The following PALM variants were observed in gnomAD, a reference collection of about 807,000 sequenced individuals.
The protein encoded by PALM is paralemmin.
In PALM, 18 loss-of-function variants were observed where a neutral mutation model predicts 30.7. The ratio of observed to expected loss-of-function variants is 0.59; its 90% CI spans 0.41 to 0.87. The LOEUF (loss-of-function observed/expected upper bound fraction) is 0.87. Ranked by LOEUF, PALM falls within the 40% of genes least tolerant of loss-of-function variation. The pLI is 0.00. For synonymous variants in PALM, 286 were observed against 242.8 expected (o/e 1.18, Z -1.66); for missense variants, 529 against 555.4 (o/e 0.95, Z 0.48).
rs1599174812 is a variant in PALM at position 747,144 on chromosome 19, A to C, written c.*330A>C. On this transcript the variant is annotated 3_prime_UTR_variant, in exon 9 of 9. Transcript: ENST00000338448. ...GCCCACCGGGGTCCTGGCGGGTGGGACCCGCAGCCTCCACGCGGCCCAGGC... is the reference window on the plus strand; with the variant it reads ...GCCCACCGGGGTCCTGGCGGGTGGGCCCCGCAGCCTCCACGCGGCCCAGGC... 1.1e-5 allele frequency: 3 copies of C among 284,200 alleles called. No individual in the cohort carries two copies. Among genetic ancestry groups the C allele is most frequent in the Non-Finnish European group, 1.3e-5 (2 of 149,506 alleles). 17.6% of individuals were successfully genotyped at this position (284,200 alleles called of 1,614,324 possible). A position where few individuals can be genotyped will look rare whatever the true frequency, so the allele number is the denominator to read the frequency against.
At chr19:718,906 G>A (rs1209629854) in intron 1 of PALM, among the ~76,000 whole-genome samples, 1 of 151,948 alleles carries the variant, frequency 6.6e-6, no homozygotes. Context: ...GGGTGCCAGC[G>A]CTCAGGGGAG....
intron 4 of PALM, among the ~76,000 whole-genome samples, chr19:729,847 G>C (rs56124311): frequency 9.9e-5 from 15 of 152,208 alleles, no homozygotes; most frequent in African/African-American, 3.6e-4. Context: ...GTGGGGCTGA[G>C]ACGGGCCTGG....
At chr19:740,840 A>G (rs1393998315) in intron 8 of PALM, among the ~76,000 whole-genome samples, 1 of 152,142 alleles carries the variant, frequency 6.6e-6, no homozygotes. Flanking sequence ...TAATTCGTTT[A>G]AATAATTACT....
chr19:714,381 T>G (rs1423356092), intron 1 of PALM, among the ~76,000 whole-genome samples: 1 of 116,638 alleles, frequency 8.6e-6, no homozygotes, highest in Admixed American at 9.8e-5. Context: ...TTTTTTCAGA[T>G]GGAGTCTCTC....
At chr19:717,814 C>T (rs531765008) in intron 1 of PALM, among the ~76,000 whole-genome samples, 3 of 152,226 alleles carry the variant, frequency 2.0e-5, no homozygotes, top group Admixed American at 6.5e-5. Context: ...TAATCGACTC[C>T]CTGGGGCAGC....
At chr19:736,726 T>C (rs1341647628) in intron 7 of PALM, among the ~76,000 whole-genome samples, 3 of 152,150 alleles carry the variant, frequency 2.0e-5, no homozygotes, top group African/African-American at 7.2e-5. Context: ...GCAAAACCAC[T>C]GCTATGTGAG....
At chr19:743,455 T>C (rs1842912954) in intron 8 of PALM, among the ~76,000 whole-genome samples, 2 of 152,190 alleles carry the variant, frequency 1.3e-5, no homozygotes. Flanking sequence ...TGGGACACAC[T>C]GAGTTCAGTT....
At position 736,175 on chromosome 19, in the gene PALM, T is replaced by C. The variant is rs574078777; in HGVS notation, c.502+97T>C. On this transcript the variant is annotated intron_variant, in intron 7 of 8. Coordinates refer to ENST00000338448, the MANE Select transcript of PALM (RefSeq NM_002579.3). ...GGGTGGGGCGGGGGCGACACCGACC[T>C]GCTCTCCGCAGCGTCTGACGGGGCC... 5.3e-3 allele frequency: 4,350 copies of C among 814,310 alleles called. 26 individuals carry two copies. The highest frequency in any genetic ancestry group is 7.3e-3 in the Non-Finnish European group (3,658 of 503,274). The allele number at this position is 814,310 out of a possible 1,614,324, so 50.4% of individuals were successfully genotyped here.
rs2144834507 is a variant in PALM, at chr19:709,604, C to T, written c.5+453C>T. 1.3e-5 allele frequency among the ~76,000 whole-genome samples: 2 copies of T among 151,878 alleles called. No homozygotes were observed. Among genetic ancestry groups the T allele is most frequent in the South Asian group, 4.1e-4 (2 of 4,820 alleles). ...CAGTCTGAGCGCACGGCTCCTGGCG[C>T]CCTGGACGCGCGCGCGGGCCGGTGC... On this transcript the variant is annotated intron_variant, in intron 1 of 8. Transcript: ENST00000338448. The surrounding 1 kb of genome is among the most constrained non-coding windows in gnomAD (Gnocchi z 4.3).
At chr19:728,385 C>T (rs971472570) in intron 4 of PALM, among the ~76,000 whole-genome samples, 3 of 152,328 alleles carry the variant, frequency 2.0e-5, no homozygotes, top group Non-Finnish European at 4.4e-5. Context: ...ACACGGACCT[C>T]GCAGGCCCTT....
intron 1 of PALM, among the ~76,000 whole-genome samples, chr19:710,161 T>C (rs762489514): frequency 1.3e-5 from 2 of 152,030 alleles, no homozygotes; most frequent in Non-Finnish European, 2.9e-5. Flanking sequence ...GGAGGCCGCC[T>C]GTGGCCCCCT....
intron 4 of PALM, among the ~76,000 whole-genome samples, chr19:728,666 G>T (rs999257615): frequency 6.6e-6 from 1 of 152,078 alleles, no homozygotes; most frequent in Non-Finnish European, 1.5e-5. Flanking sequence ...AAATTAGCCT[G>T]GTGTGGTGGT....
chr19:745,883 A>C (rs573082594), intron 8 of PALM, among the ~76,000 whole-genome samples: 1 of 150,928 alleles, frequency 6.6e-6, no homozygotes, highest in African/African-American at 2.4e-5. Context: ...ACATGGAGAA[A>C]CCCCGTCTCT....
At position 709,065 on chromosome 19, in the gene PALM, CCCCCTCCCCT is replaced by C. The variant is rs935225621; in HGVS notation, c.-72_-63del. 1 of 217,530 alleles carries C rather than the reference CCCCCTCCCCT, an allele frequency of 4.6e-6. No individual in the cohort carries two copies. The highest frequency in any genetic ancestry group is 1.5e-3 in the Middle Eastern group (1 of 678). 13.5% of individuals were successfully genotyped at this position (217,530 alleles called of 1,614,324 possible). A position where few individuals can be genotyped will look rare whatever the true frequency, so the allele number is the denominator to read the frequency against. ...CGCCCCGGCCCCCGCCAGGCCGCGT[CCCCCTCCCCT>C]CCCCTCCCCCGCGCGCCACCCGCGC... On this transcript the variant is annotated 5_prime_UTR_variant, in exon 1 of 9. Transcript: ENST00000338448. The surrounding 1 kb of genome is among the most constrained non-coding windows in gnomAD (Gnocchi z 4.3).
Position 746,862 on chromosome 19 carries a change from C to T in PALM, c.*48C>T. ...CCCACCCCACACCACAGACACCCACCAGCCCGGCCCCTCCCGGCGCCTGCC... is the reference window on the plus strand; with the variant it reads ...CCCACCCCACACCACAGACACCCACTAGCCCGGCCCCTCCCGGCGCCTGCC... On this transcript the variant is annotated 3_prime_UTR_variant, in exon 9 of 9. Coordinates refer to ENST00000338448, the MANE Select transcript of PALM (RefSeq NM_002579.3). This position sits in a 1 kb window ranked among gnomAD's most constrained non-coding sequence, Gnocchi z 7.1. 1 of 1,206,482 alleles carries T rather than the reference C, an allele frequency of 8.3e-7. No homozygotes were observed. The highest frequency in any genetic ancestry group is 1.1e-6 in the Non-Finnish European group (1 of 879,666). 74.7% of individuals were successfully genotyped at this position (1,206,482 alleles called of 1,614,324 possible).
At chr19:730,899 C>G (rs2032848240) in intron 4 of PALM, among the ~76,000 whole-genome samples, 196 bp from the exon 5 acceptor site, 1 of 151,970 alleles carries the variant, frequency 6.6e-6, no homozygotes, top group African/African-American at 2.4e-5. Flanking sequence ...TACTCGAGAC[C>G]CTGAGGCAGG....
intron 4 of PALM, chr19:728,003 C>A: frequency 4.8e-6 from 1 of 207,576 alleles, no homozygotes; most frequent in South Asian, 8.0e-5. Flanking sequence ...GCTCCTGGGT[C>A]CCTGGAGCTG....
intron 1 of PALM, among the ~76,000 whole-genome samples, chr19:716,465 G>T (rs1045705510): frequency 6.6e-6 from 1 of 152,052 alleles, no homozygotes; most frequent in Non-Finnish European, 1.5e-5. Flanking sequence ...CCAGCTGAGT[G>T]GGAGGCGCTG....
Position 747,179 on chromosome 19 carries a change from A to C in PALM, c.*365A>C. ...TCCACGCGGCCCAGGCCAGCCTGCC[A>C]CCCTCTGGGCCTCCTACCTGTGCCT... On this transcript the variant is annotated 3_prime_UTR_variant, in exon 9 of 9. Transcript: ENST00000338448. 1 of 218,128 alleles carries C rather than the reference A, an allele frequency of 4.6e-6. No homozygotes were observed. Among genetic ancestry groups the C allele is most frequent in the Non-Finnish European group, 9.1e-6 (1 of 109,706 alleles). The allele number at this position is 218,128 out of a possible 1,614,324, so 13.5% of individuals were successfully genotyped here.
Sources: allele counts gnomAD v4.1 joint callset (sites outside exome capture counted in the v4.1 genomes callset), GRCh38; gene constraint gnomAD v4.1.1; non-coding constraint Gnocchi (gnomAD v3.1); transcripts MANE v1.5; gene names NCBI Gene and HGNC (gene_info 2026-07-23, HGNC 2026-07-21).